NSF: variants seen among roughly 807,000 people sequenced by gnomAD.
NSF encodes the protein vesicle-fusing ATPase.
A neutral mutation model predicts 50.3 loss-of-function variants in NSF; 14 were observed. That is an observed-to-expected ratio of 0.28 (90% CI 0.18 to 0.44). The LOEUF is 0.44. Ranked by LOEUF, NSF falls within the 20% of genes least tolerant of loss-of-function variation. The pLI is 1.00. For synonymous variants in NSF, 109 were observed against 175.7 expected (o/e 0.62, Z 3.00); for missense variants, 218 against 504.3 (o/e 0.43, Z 5.44).
intron 17 of NSF, among the ~76,000 whole-genome samples, chr17:46,740,674 T>C (rs891646355): frequency 6.6e-6 from 1 of 151,906 alleles, no homozygotes; most frequent in Non-Finnish European, 1.5e-5. Flanking sequence ...TTTTTTTTTT[T>C]TTTGGACACC....
chr17:46,728,813 A>G, intron 16 of NSF, 42 bp from the exon 17 acceptor site: 4 of 1,351,164 alleles, frequency 3.0e-6, no homozygotes, highest in Non-Finnish European at 4.1e-6. Flanking sequence ...GAATATGTAC[A>G]TGTGTATCAA....
chr17:46,731,160 A>T (rs999985122), intron 17 of NSF, among the ~76,000 whole-genome samples: 1 of 152,052 alleles, frequency 6.6e-6, no homozygotes, highest in African/African-American at 2.4e-5. Flanking sequence ...ACTCAGCAAT[A>T]AAAAAAAGTA....
At chr17:46,718,180 G>C (rs549813001) in intron 15 of NSF, among the ~76,000 whole-genome samples, 1 of 152,206 alleles carries the variant, frequency 6.6e-6, no homozygotes, top group Non-Finnish European at 1.5e-5. Flanking sequence ...GAACCTTGGT[G>C]TTTGCTCTCC....
intron 17 of NSF, among the ~76,000 whole-genome samples, chr17:46,748,147 G>A (rs2059149509): frequency 6.6e-6 from 1 of 151,932 alleles, no homozygotes; most frequent in Non-Finnish European, 1.5e-5. Context: ...CGCTCTTGTT[G>A]CCCAGGCTGG....
At chr17:46,685,499 A>G (rs971855830) in intron 9 of NSF, among the ~76,000 whole-genome samples, 9 of 152,024 alleles carry the variant, frequency 5.9e-5, no homozygotes, top group Non-Finnish European at 1.2e-4. Flanking sequence ...AGGTCAAACT[A>G]GTTAAATATA....
At chr17:46,621,372 C>T (rs1192355325) in intron 1 of NSF, among the ~76,000 whole-genome samples, 11 of 134,662 alleles carry the variant, frequency 8.2e-5, no homozygotes, top group Admixed American at 2.3e-4. Context: ...CTGCAAGCTC[C>T]GCCTCCCGGG....
chr17:46,608,954 T>C (rs1414137664), intron 1 of NSF, among the ~76,000 whole-genome samples: 1 of 151,362 alleles, frequency 6.6e-6, no homozygotes, highest in East Asian at 1.9e-4. Flanking sequence ...TGAAAATGCA[T>C]GAGCACAACC....
chr17:46,697,413 T>C (rs931510564), intron 12 of NSF, among the ~76,000 whole-genome samples: 1 of 149,886 alleles, frequency 6.7e-6, no homozygotes, highest in Non-Finnish European at 1.5e-5. Context: ...GTTTTCACCA[T>C]GTTGGCCAGG....
intron 9 of NSF, among the ~76,000 whole-genome samples, chr17:46,676,147 T>C (rs1415202307): frequency 7.1e-6 from 1 of 140,878 alleles, no homozygotes; most frequent in East Asian, 2.3e-4. Flanking sequence ...AAATATCTGC[T>C]GCCACCACAG....
intron 19 of NSF, 123 bp from the exon 20 acceptor site, chr17:46,755,191 C>A: frequency 1.4e-6 from 1 of 705,686 alleles, no homozygotes; most frequent in South Asian, 1.6e-5. Flanking sequence ...GAGCAGGTAA[C>A]ACATTCAGTG....
At chr17:46,739,370 CAAAAAA>C (rs1230180574) in intron 17 of NSF, among the ~76,000 whole-genome samples, 1 of 53,192 alleles carries the variant, frequency 1.9e-5, no homozygotes, top group Non-Finnish European at 3.0e-5. Context: ...GACTCTGTCT[CAAAAAA>C]AAAAAAAAAA....
At chr17:46,633,893 CAG>C (rs1206009063) in intron 4 of NSF, among the ~76,000 whole-genome samples, 4 of 98,146 alleles carry the variant, frequency 4.1e-5, no homozygotes, top group Admixed American at 2.3e-4. Flanking sequence ...TTTTTTGAGA[CAG>C]AGTTTCACTC....
chr17:46,731,597 C>T (rs550827122), intron 17 of NSF, among the ~76,000 whole-genome samples: 2 of 152,116 alleles, frequency 1.3e-5, no homozygotes, highest in South Asian at 4.2e-4. Context: ...ATCCAAGGTA[C>T]GTGGCCCAGC....
chr17:46,722,302 C>T (rs2058840012), intron 15 of NSF: 1 of 750,224 alleles, frequency 1.3e-6, no homozygotes, highest in Non-Finnish European at 2.3e-6. Context: ...CTTCTTACCT[C>T]CAGCCTCAGT....
intron 1 of NSF, among the ~76,000 whole-genome samples, chr17:46,612,242 C>G (rs1371614193): frequency 1.3e-5 from 1 of 79,768 alleles, no homozygotes; most frequent in Non-Finnish European, 2.3e-5. Context: ...AAGACAGTAA[C>G]AAGTTTTGAT....
At chr17:46,595,649 G>A (rs1275238586) in intron 1 of NSF, among the ~76,000 whole-genome samples, 1 of 126,592 alleles carries the variant, frequency 7.9e-6, no homozygotes, top group Non-Finnish European at 1.5e-5. Flanking sequence ...GTGCCACCAC[G>A]CCCAGCTAAT....
At chr17:46,737,932 TTATTATTATTATTATTA>T in intron 17 of NSF, among the ~76,000 whole-genome samples, 1 of 147,388 alleles carries the variant, frequency 6.8e-6, no homozygotes, top group Non-Finnish European at 1.5e-5. Flanking sequence ...ATTATTATTA[TTATTATTATTATTATTA>T]TTAGAGATAG....
At chr17:46,750,366 C>G (rs1052619745) in intron 18 of NSF, among the ~76,000 whole-genome samples, 4 of 152,052 alleles carry the variant, frequency 2.6e-5, no homozygotes, top group Non-Finnish European at 5.9e-5. Context: ...CAAAAAATGC[C>G]TAGGACCAGA....
chr17:46,735,193 A>C (rs2058988694), intron 17 of NSF, among the ~76,000 whole-genome samples: 1 of 152,224 alleles, frequency 6.6e-6, no homozygotes, highest in African/African-American at 2.4e-5. Flanking sequence ...TTAATACCAG[A>C]ATAAATTATA....
Sources: gnomAD v4.1 joint callset for allele counts (sites outside exome capture counted in the v4.1 genomes callset) on GRCh38, gnomAD v4.1.1 for gene constraint, MANE v1.5 for transcripts, NCBI Gene and HGNC (gene_info 2026-07-23, HGNC 2026-07-21) for gene names.